ETFA: variants seen among roughly 807,000 people sequenced by gnomAD.
ETFA encodes electron transfer flavoprotein subunit alpha.
ETFA carries 22 observed loss-of-function variants against 46.2 expected under a neutral mutation model. The observed-to-expected ratio is 0.48, with a 90% CI of 0.34 to 0.68. The LOEUF (loss-of-function observed/expected upper bound fraction) is 0.68. Among genes scored for constraint, ETFA ranks in the 30% least tolerant of loss-of-function variants. The pLI, the probability that ETFA is intolerant of heterozygous loss-of-function variation, is 0.01. For synonymous variants in ETFA, 131 were observed against 139.9 expected (o/e 0.94, Z 0.45); for missense variants, 345 against 401.1 (o/e 0.86, Z 1.19).
In ETFA at chr15:76,216,564, T is replaced by C. The variant is rs750818335; in HGVS notation, c.997A>G (p.Lys333Glu). ...VPEMTEILKK[K>E] ...TTTTAAGGCATGATCCTGATTCATT[T>C]TTTCTTCAATATCTCAGTCATTTCA... is the stretch of plus-strand genomic sequence containing the variant. The change falls in exon 12 of 12, where the codon AAA (lysine) becomes GAA (glutamate). Residue 333 changes from lysine (K) to glutamate (E), a missense_variant. Physicochemically the swap from Lys to Glu is moderately conservative, Grantham distance 56. Coordinates refer to ENST00000557943, the MANE Select transcript of ETFA (RefSeq NM_000126.4). 1 of 1,581,044 alleles carries C rather than the reference T, an allele frequency of 6.3e-7. No individual in the cohort carries two copies. Among genetic ancestry groups the C allele is most frequent in the Middle Eastern group, 1.7e-4 (1 of 5,998 alleles).
At chr15:76,236,639 C>G (rs2039125431) in intron 9 of ETFA, among the ~76,000 whole-genome samples, 1 of 152,180 alleles carries the variant, frequency 6.6e-6, no homozygotes, top group African/African-American at 2.4e-5. Flanking sequence ...AAAGGAAAGT[C>G]AGCAGTGTGG....
chr15:76,285,612 C>T (rs753076356), intron 7 of ETFA, 25 bp downstream of exon 7: 2 of 1,234,448 alleles, frequency 1.6e-6, no homozygotes, highest in Non-Finnish European at 2.4e-6. Context: ...CAATTTACAT[C>T]TTTTAAGATT....
chr15:76,269,349 T>A (rs78235742), intron 9 of ETFA, among the ~76,000 whole-genome samples: 1 of 152,178 alleles, frequency 6.6e-6, no homozygotes, highest in African/African-American at 2.4e-5. Context: ...CTAGTGGCCT[T>A]TGGAACATGT....
chr15:76,233,621 C>G (rs1169640673), intron 9 of ETFA, among the ~76,000 whole-genome samples: 1 of 152,196 alleles, frequency 6.6e-6, no homozygotes, highest in Non-Finnish European at 1.5e-5. Context: ...AGCCACGGCG[C>G]CCAGCCTTCA....
At chr15:76,225,786 C>A (rs1383301413) in intron 11 of ETFA, 63 bp downstream of exon 11, 1 of 1,009,400 alleles carries the variant, frequency 9.9e-7, no homozygotes, top group Non-Finnish European at 1.6e-6. Flanking sequence ...CATCCCTAAC[C>A]ATTTCTGAGA....
chr15:76,229,251 G>A (rs1049250870), intron 10 of ETFA: 6 of 152,180 alleles, frequency 3.9e-5, no homozygotes, highest in African/African-American at 1.4e-4. Context: ...GACAACACAG[G>A]ACGACACAGA....
At chr15:76,227,655 T>C (rs2039017889) in intron 10 of ETFA, 1 of 370,818 alleles carries the variant, frequency 2.7e-6, no homozygotes, top group South Asian at 2.1e-5. Context: ...ATTATTTTAA[T>C]AGATTGTGGA....
intron 4 of ETFA, among the ~76,000 whole-genome samples, chr15:76,289,450 G>T (rs1389821885): frequency 6.6e-6 from 1 of 152,088 alleles, no homozygotes; most frequent in Non-Finnish European, 1.5e-5. Flanking sequence ...AAAATTTAAT[G>T]TCTTTTGTAT....
Position 76,308,574 on chromosome 15 carries a change from C to T in ETFA, c.39+2776G>A, listed in dbSNP as rs1258473197. Among the ~76,000 whole-genome samples, 3 of 145,098 alleles carry T rather than the reference C, an allele frequency of 2.1e-5. No individual in the cohort carries two copies. The East Asian group carries it at 5.8e-4, about 28-fold the overall frequency. On this transcript the variant is annotated intron_variant, in intron 1 of 11. Coordinates refer to ENST00000557943, the MANE Select transcript of ETFA (RefSeq NM_000126.4). Reference sequence around the variant, plus strand: ...GAGTGACAGTCTGGAAAATAGAAGGCCTGTACTCTTCAAATACACCAATGT... The same window carrying T: ...GAGTGACAGTCTGGAAAATAGAAGGTCTGTACTCTTCAAATACACCAATGT...
chr15:76,269,224 G>C (rs543742975), intron 9 of ETFA, among the ~76,000 whole-genome samples: 1 of 152,182 alleles, frequency 6.6e-6, no homozygotes, highest in Non-Finnish European at 1.5e-5. Context: ...AAAAGAAAAG[G>C]GGGGCATGTT....
rs188037746 is a variant in ETFA at position 76,216,532 on chromosome 15, G to A, written c.*27C>T. On this transcript the variant is annotated 3_prime_UTR_variant, in exon 12 of 12. Transcript: ENST00000557943. ...ATTTCAGTGGAATACTTTAACAAAA[G>A]TTTTCTTTTTAAGGCATGATCCTGA... 7.8e-5 allele frequency: 108 copies of A among 1,383,876 alleles called. No homozygotes were observed. In the East Asian group the frequency reaches 2.4e-3, roughly 31 times the overall value. The allele number at this position is 1,383,876 out of a possible 1,614,324, so 85.7% of individuals were successfully genotyped here.
intron 9 of ETFA, among the ~76,000 whole-genome samples, chr15:76,263,947 A>G (rs1019032973): frequency 3.3e-5 from 5 of 152,236 alleles, no homozygotes; most frequent in Non-Finnish European, 7.3e-5. Context: ...CTGGGTGAGA[A>G]AATGAATCAG....
At chr15:76,295,788 T>TG in intron 1 of ETFA, 51 bp from the exon 2 acceptor site, 2 of 1,003,548 alleles carry the variant, frequency 2.0e-6, no homozygotes, top group Non-Finnish European at 2.7e-6. Flanking sequence ...GTCACAGGGT[T>TG]TTTTTTTTTT....
chr15:76,304,719 A>T (rs1015041626), intron 1 of ETFA, among the ~76,000 whole-genome samples: 3 of 151,930 alleles, frequency 2.0e-5, no homozygotes, highest in Non-Finnish European at 4.4e-5. Flanking sequence ...GATTTTAGAC[A>T]AAACTAAAAA....
At chr15:76,297,557 A>C (rs1205867176) in intron 1 of ETFA, among the ~76,000 whole-genome samples, 1 of 152,098 alleles carries the variant, frequency 6.6e-6, no homozygotes, top group Non-Finnish European at 1.5e-5. Flanking sequence ...GAAAAAATCC[A>C]AGATTTGGTG....
At chr15:76,284,859 G>A (rs1191348831) in intron 7 of ETFA, 1 of 346,390 alleles carries the variant, frequency 2.9e-6, no homozygotes, top group African/African-American at 2.3e-5. Flanking sequence ...GAACCTGGGA[G>A]GTGGAGGTGG....
intron 1 of ETFA, among the ~76,000 whole-genome samples, chr15:76,305,954 C>G (rs2039935565): frequency 6.6e-6 from 1 of 151,046 alleles, no homozygotes; most frequent in Non-Finnish European, 1.5e-5. Flanking sequence ...CTCAAGTGAT[C>G]CTCCTGCCTC....
At chr15:76,263,091 T>C (rs1005427207) in intron 9 of ETFA, among the ~76,000 whole-genome samples, 2 of 152,224 alleles carry the variant, frequency 1.3e-5, no homozygotes, top group Admixed American at 6.5e-5. Flanking sequence ...TACACCATCA[T>C]AGCTGTAGCT....
chr15:76,245,403 A>G (rs1038030821), intron 9 of ETFA, among the ~76,000 whole-genome samples: 1 of 152,244 alleles, frequency 6.6e-6, no homozygotes, highest in Non-Finnish European at 1.5e-5. Flanking sequence ...ATAAAGCACT[A>G]TGAAAGCAGC....
Sources: gnomAD v4.1 joint callset for allele counts (sites outside exome capture counted in the v4.1 genomes callset) on GRCh38, gnomAD v4.1.1 for gene constraint, MANE v1.5 for transcripts, NCBI Gene and HGNC (gene_info 2026-07-23, HGNC 2026-07-21) for gene names.